The following MFSD1 variants were observed in gnomAD, a reference collection of about 807,000 sequenced individuals.
MFSD1 encodes major facilitator superfamily domain containing 1, also known as lysosomal dipeptide transporter MFSD1.
In MFSD1, 59 loss-of-function variants were observed where a neutral mutation model predicts 67.1. The ratio of observed to expected loss-of-function variants is 0.88; its 90% CI spans 0.71 to 1.09. The LOEUF (loss-of-function observed/expected upper bound fraction) is 1.09. Ranked by LOEUF, MFSD1 falls within the 50% of genes least tolerant of loss-of-function variation. The pLI is 0.00. For synonymous variants in MFSD1, 213 were observed against 200.3 expected, an observed-to-expected ratio of 1.06 and a Z score of -0.54; for missense variants, 552 against 566.1, an observed-to-expected ratio of 0.97 and a Z score of 0.25.
intron 14 of MFSD1, 144 bp from the exon 15 acceptor site, chr3:158,827,136 C>A: frequency 7.5e-6 from 4 of 529,916 alleles, no homozygotes; most frequent in South Asian, 2.8e-5. Context: ...GTAGATAAAC[C>A]ATTACTTTTT....
Position 158,819,659 on chromosome 3 carries a change from G to T in MFSD1, c.663G>T (p.Thr221=). Residue 221 remains threonine, a synonymous_variant, in exon 8 of 16, where the codon ACG becomes ACT. Transcript: ENST00000415822. The part of the protein sequence containing the change: ...LGITLMIGGI[T]CILSLICALA... ...TTTTTTTTTATTTAGGGGGTATAAC[G>T]TGTATTCTTTCACTAATCTGTGCCT... The T allele has an allele frequency of 3.3e-6, 5 of 1,527,914 alleles. No individual in the cohort carries two copies. The highest frequency in any genetic ancestry group is 4.5e-6 in the Non-Finnish European group (5 of 1,113,472). The allele number at this position is 1,527,914 out of a possible 1,614,324, so 94.6% of individuals were successfully genotyped here. A position where few individuals can be genotyped will look rare whatever the true frequency, so the allele number is the denominator to read the frequency against.
intron 2 of MFSD1, 148 bp downstream of exon 2, chr3:158,804,519 G>A: frequency 1.8e-6 from 1 of 553,068 alleles, no homozygotes; most frequent in Non-Finnish European, 3.2e-6. Flanking sequence ...AGTTGCAAGG[G>A]GTGTTCTTAA....
chr3:158,821,916 A>G (rs1730696990), intron 10 of MFSD1, 68 bp from the exon 11 acceptor site: 1 of 1,519,816 alleles, frequency 6.6e-7, no homozygotes, highest in East Asian at 2.3e-5. Context: ...GATATTTTCA[A>G]GACTTTCTTG....
intron 3 of MFSD1, among the ~76,000 whole-genome samples, chr3:158,806,207 G>A (rs1487701815): frequency 6.6e-6 from 1 of 152,162 alleles, no homozygotes; most frequent in Admixed American, 6.5e-5. Flanking sequence ...TAAAATTTTT[G>A]AAGAGTTAAA....
At chr3:158,825,706 C>G (rs915940151) in intron 13 of MFSD1, among the ~76,000 whole-genome samples, 1 of 152,074 alleles carries the variant, frequency 6.6e-6, no homozygotes, top group Non-Finnish European at 1.5e-5. Flanking sequence ...TGCAAAGGAC[C>G]AGCACTGAGA....
At chr3:158,803,890 T>C (rs1000614192) in intron 1 of MFSD1, among the ~76,000 whole-genome samples, 3 of 152,224 alleles carry the variant, frequency 2.0e-5, no homozygotes, top group Non-Finnish European at 4.4e-5. Flanking sequence ...ATTGGTTTTG[T>C]CAGAATGGTT....
chr3:158,822,394 A>G (rs1289076941), intron 11 of MFSD1: 2 of 240,164 alleles, frequency 8.3e-6, no homozygotes, highest in Non-Finnish European at 1.6e-5. Context: ...TTTGAAATAA[A>G]GTAGCCTTAT....
chr3:158,827,314 A>G lies in MFSD1; in HGVS notation c.1371A>G (p.Glu457=), dbSNP rs1458218110. ...GNLNYSARQR[E]EIKFSHTE ...TAAATTATTCTGCAAGACAAAGGGAAGAAATAAAATTTTCCCATACTGAGT... is the reference window on the plus strand; with the variant it reads ...TAAATTATTCTGCAAGACAAAGGGAGGAAATAAAATTTTCCCATACTGAGT... The change falls in exon 15 of 16, where the codon GAA becomes GAG. Residue 457 remains glutamate, a synonymous_variant. Coordinates refer to ENST00000415822, the MANE Select transcript of MFSD1 (RefSeq NM_022736.4). 1 of 1,553,020 alleles carries G rather than the reference A, an allele frequency of 6.4e-7. No individual in the cohort carries two copies. Among genetic ancestry groups the G allele is most frequent in the South Asian group, 1.2e-5 (1 of 81,356 alleles).
intron 13 of MFSD1, among the ~76,000 whole-genome samples, chr3:158,824,684 A>T (rs1208504632): frequency 1.3e-5 from 2 of 152,220 alleles, no homozygotes; most frequent in African/African-American, 4.8e-5. Flanking sequence ...CTTGAAAAAT[A>T]TATAAAAATA....
At position 158,807,088 on chromosome 3, in the gene MFSD1, G is replaced by A. The variant is rs778914856; in HGVS notation, c.372+6G>A. On this transcript the variant is annotated splice_donor_region_variant and intron_variant, in intron 4 of 15. Coordinates refer to ENST00000415822, the MANE Select transcript of MFSD1 (RefSeq NM_022736.4). Reference sequence around the variant, plus strand: ...GCTTTGTTTGCATTGGACAGGTAAGGAAGGCCAAAACATTCATTGATTATT... The same window carrying A: ...GCTTTGTTTGCATTGGACAGGTAAGAAAGGCCAAAACATTCATTGATTATT... 2.5e-6 allele frequency: 4 copies of A among 1,610,052 alleles called. No individual in the cohort carries two copies. The South Asian group carries it at 4.4e-5, about 18-fold the overall frequency.
intron 7 of MFSD1, among the ~76,000 whole-genome samples, chr3:158,819,087 T>C (rs184704234): frequency 6.6e-6 from 1 of 152,344 alleles, no homozygotes; most frequent in East Asian, 1.9e-4. Flanking sequence ...CTCTTTATCC[T>C]GATTTTCTGT....
At position 158,823,539 on chromosome 3, in the gene MFSD1, C is replaced by G; in HGVS notation, c.1175+14C>G. ...TGCATATGGCTTGTAAGTATTTACG[C>G]TGTGGATCGTATATGTCTGTCTCTG... is the stretch of plus-strand genomic sequence containing the variant. On this transcript the variant is annotated intron_variant, in intron 12 of 15. Transcript: ENST00000415822. 2.6e-6 allele frequency: 4 copies of G among 1,525,864 alleles called. No individual in the cohort carries two copies. Among genetic ancestry groups the G allele is most frequent in the Non-Finnish European group, 3.6e-6 (4 of 1,099,682 alleles). The allele number at this position is 1,525,864 out of a possible 1,614,324, so 94.5% of individuals were successfully genotyped here.
At chr3:158,806,807 C>T (rs915225501) in intron 3 of MFSD1, among the ~76,000 whole-genome samples, 1 of 152,088 alleles carries the variant, frequency 6.6e-6, no homozygotes, top group Non-Finnish European at 1.5e-5. Flanking sequence ...CCTCCGGAAT[C>T]CCCTTAGAAG....
At chr3:158,804,513 G>T (rs1303874349) in intron 2 of MFSD1, 142 bp downstream of exon 2, 2 of 564,692 alleles carry the variant, frequency 3.5e-6, no homozygotes, top group African/African-American at 3.8e-5. Context: ...TCCACAAGTT[G>T]CAAGGGGTGT....
intron 7 of MFSD1, among the ~76,000 whole-genome samples, chr3:158,815,831 G>A (rs1334596019): frequency 6.7e-6 from 1 of 148,882 alleles, no homozygotes; most frequent in Non-Finnish European, 1.5e-5. Context: ...AGTCCCCAGA[G>A]TGTGATGTTC....
intron 15 of MFSD1, 83 bp downstream of exon 15, chr3:158,827,420 GTTT>G (rs61485884): frequency 2.8e-3 from 1,338 of 474,228 alleles, no homozygotes; most frequent in South Asian, 4.4e-3. Context: ...GGGCTTTGAA[GTTT>G]TTTTTTTTTT....
At chr3:158,802,868 T>C (rs1729530106) in intron 1 of MFSD1, among the ~76,000 whole-genome samples, 1 of 152,036 alleles carries the variant, frequency 6.6e-6, no homozygotes, top group East Asian at 1.9e-4. Context: ...CACCCGGCTT[T>C]ATTATTATTA....
intron 7 of MFSD1, among the ~76,000 whole-genome samples, chr3:158,818,367 A>G (rs1199414256): frequency 6.6e-6 from 1 of 151,388 alleles, no homozygotes; most frequent in Non-Finnish European, 1.5e-5. Flanking sequence ...CAACACTCAA[A>G]ACCCTCTCTT....
At chr3:158,808,608 A>G (rs1233738407) in intron 5 of MFSD1, among the ~76,000 whole-genome samples, 1 of 152,228 alleles carries the variant, frequency 6.6e-6, no homozygotes, top group Admixed American at 6.5e-5. Context: ...TTTGTTGCCT[A>G]TCATGGTTAT....
Sources: gnomAD v4.1 joint callset for allele counts (sites outside exome capture counted in the v4.1 genomes callset) on GRCh38, gnomAD v4.1.1 for gene constraint, MANE v1.5 for transcripts, NCBI Gene and HGNC (gene_info 2026-07-23, HGNC 2026-07-21) for gene names.